Variants in CDH13 observed in about 807,000 individuals in gnomAD.
CDH13 encodes cadherin-13.
CDH13 carries 24 observed loss-of-function variants against 63.8 expected under a neutral mutation model. The observed-to-expected ratio is 0.38, with a 90% CI of 0.27 to 0.53. The LOEUF (loss-of-function observed/expected upper bound fraction) is 0.53. Ranked by LOEUF, CDH13 falls within the 20% of genes least tolerant of loss-of-function variation. The pLI is 0.85. For synonymous variants in CDH13, 503 were observed against 355.3 expected, an observed-to-expected ratio of 1.42 and a Z score of -4.67; for missense variants, 1,049 against 903.1, an observed-to-expected ratio of 1.16 and a Z score of -2.07.
At chr16:83,154,316 G>C (rs2037115534) in intron 4 of CDH13, among the ~76,000 whole-genome samples, 1 of 152,032 alleles carries the variant, frequency 6.6e-6, no homozygotes, top group Non-Finnish European at 1.5e-5. Context: ...CAGCACTTTG[G>C]GAGGCTGAGG....
intron 7 of CDH13, among the ~76,000 whole-genome samples, chr16:83,515,184 A>G (rs1269313580): frequency 6.6e-6 from 1 of 152,128 alleles, no homozygotes; most frequent in Non-Finnish European, 1.5e-5. Context: ...AGAACTCTGT[A>G]CTTGAGGACT....
intron 5 of CDH13, among the ~76,000 whole-genome samples, chr16:83,340,207 G>C (rs764531431): frequency 6.6e-6 from 1 of 152,166 alleles, no homozygotes; most frequent in Admixed American, 6.5e-5. Flanking sequence ...AAGATTAGAA[G>C]GACATTGGAA....
At chr16:83,736,318 A>C (rs1911535042) in intron 10 of CDH13, among the ~76,000 whole-genome samples, 1 of 152,198 alleles carries the variant, frequency 6.6e-6, no homozygotes, top group Non-Finnish European at 1.5e-5. Flanking sequence ...ATAGCTTCTG[A>C]AGTCTCAGCC....
At chr16:82,860,766 G>T (rs754353309) in intron 2 of CDH13, among the ~76,000 whole-genome samples, 14 of 152,146 alleles carry the variant, frequency 9.2e-5, no homozygotes, top group Non-Finnish European at 1.5e-4. Flanking sequence ...GAAGAAAATT[G>T]TCATAGACTT....
At chr16:83,105,816 G>A (rs1423237841) in intron 3 of CDH13, among the ~76,000 whole-genome samples, 3 of 152,188 alleles carry the variant, frequency 2.0e-5, no homozygotes, top group Non-Finnish European at 4.4e-5. Context: ...GTGTATGTCT[G>A]TGTGTATCTG....
At chr16:83,413,290 C>G (rs528827889) in intron 6 of CDH13, among the ~76,000 whole-genome samples, 6 of 152,188 alleles carry the variant, frequency 3.9e-5, no homozygotes, top group Admixed American at 3.9e-4. Flanking sequence ...TCAAATCTCA[C>G]AATCAATGAT....
chr16:82,632,394 C>T (rs975247791), intron 1 of CDH13, among the ~76,000 whole-genome samples: 2 of 152,126 alleles, frequency 1.3e-5, no homozygotes, highest in Non-Finnish European at 2.9e-5. Context: ...ACAGCATGAC[C>T]AAGGGGACTG....
intron 2 of CDH13, among the ~76,000 whole-genome samples, chr16:82,919,749 T>C (rs1205469879): frequency 6.6e-6 from 1 of 152,208 alleles, no homozygotes. Context: ...CGCGGTATAA[T>C]TCTGAACAGG....
chr16:83,017,148 T>A (rs1239009723), intron 2 of CDH13, among the ~76,000 whole-genome samples: 1 of 152,222 alleles, frequency 6.6e-6, no homozygotes, highest in East Asian at 1.9e-4. Context: ...CTTGACTATC[T>A]TTAATGGGTG....
At chr16:83,420,187 T>C (rs1220354258) in intron 6 of CDH13, among the ~76,000 whole-genome samples, 1 of 152,140 alleles carries the variant, frequency 6.6e-6, no homozygotes, top group African/African-American at 2.4e-5. Flanking sequence ...GATCCTACTC[T>C]CAAGGAACTA....
intron 1 of CDH13, among the ~76,000 whole-genome samples, chr16:82,638,111 C>T (rs1345490023): frequency 6.6e-6 from 1 of 152,196 alleles, no homozygotes; most frequent in African/African-American, 2.4e-5. Flanking sequence ...GCCTTGCCTC[C>T]CTCTTTCTGC....
At chr16:83,469,268 T>C (rs76392266) in intron 6 of CDH13, among the ~76,000 whole-genome samples, 4,970 of 152,252 alleles carry the variant, frequency 0.033, 264 homozygotes, top group African/African-American at 0.11. Context: ...TGTCCAGTCT[T>C]ATAGCAGGAG....
intron 6 of CDH13, among the ~76,000 whole-genome samples, chr16:83,391,124 G>A (rs72804352): frequency 0.028 from 4,293 of 152,220 alleles, 82 homozygotes; most frequent in Non-Finnish European, 0.044. Flanking sequence ...TGCTGCCCAG[G>A]GGGTCCTGAG....
chr16:82,689,181 C>G (rs78894132), intron 1 of CDH13, among the ~76,000 whole-genome samples: 5 of 123,604 alleles, frequency 4.0e-5, no homozygotes, highest in African/African-American at 1.6e-4. Context: ...TTTTTTTTTT[C>G]AAGATAAAAC....
intron 8 of CDH13, among the ~76,000 whole-genome samples, chr16:83,648,456 T>C (rs1912048229): frequency 6.6e-6 from 1 of 152,174 alleles, no homozygotes; most frequent in African/African-American, 2.4e-5. Context: ...GAATCCTTCC[T>C]GGGTGGTGTC....
intron 1 of CDH13, among the ~76,000 whole-genome samples, chr16:82,819,333 C>T (rs60127669): frequency 0.075 from 11,350 of 152,264 alleles, 519 homozygotes; most frequent in Middle Eastern, 0.12. Context: ...CAGCCAGGGA[C>T]AGTGACACAG....
chr16:82,923,371 C>T lies in CDH13; in HGVS notation c.157+64898C>T, dbSNP rs191934636. ...TTTGGTTTATAGTAAGGGTTCAGTA[C>T]ATAAGCATATTTACTGCTGTTATTG... is the stretch of plus-strand genomic sequence containing the variant. On this transcript the variant is annotated intron_variant, in intron 2 of 13. Coordinates refer to ENST00000567109, the MANE Select transcript of CDH13 (RefSeq NM_001257.5). 5.3e-4 allele frequency among the ~76,000 whole-genome samples: 81 copies of T among 152,278 alleles called. 1 individual carries two copies. The highest frequency in any genetic ancestry group is 1.8e-3 in the African/African-American group (74 of 41,548).
At chr16:83,146,193 CAA>C (rs749952847) in intron 4 of CDH13, among the ~76,000 whole-genome samples, 13 of 97,608 alleles carry the variant, frequency 1.3e-4, no homozygotes, top group South Asian at 3.7e-4. Flanking sequence ...GACTCTGTCT[CAA>C]AAAAAAAAAA....
intron 4 of CDH13, among the ~76,000 whole-genome samples, chr16:83,165,305 TGCC>T (rs1310689140): frequency 1.3e-5 from 2 of 152,062 alleles, no homozygotes; most frequent in Non-Finnish European, 2.9e-5. Context: ...TGCCCACCCC[TGCC>T]TGTCTTGAAG....
Sources: gnomAD v4.1 joint callset for allele counts (sites outside exome capture counted in the v4.1 genomes callset) on GRCh38, gnomAD v4.1.1 for gene constraint, MANE v1.5 for transcripts, NCBI Gene and HGNC (gene_info 2026-07-23, HGNC 2026-07-21) for gene names.